CSMD1: variants seen among roughly 807,000 people sequenced by gnomAD.
CSMD1 encodes CUB and sushi domain-containing protein 1.
Under a neutral mutation model 417.5 loss-of-function variants are expected in CSMD1, and 213 were observed. That is an observed-to-expected ratio of 0.51 (90% confidence interval 0.46 to 0.57). The LOEUF is 0.57. Ranked by LOEUF, CSMD1 falls within the 20% of genes least tolerant of loss-of-function variation. The pLI, the probability that CSMD1 is intolerant of heterozygous loss-of-function variation, is 0.00. For missense variants in CSMD1, 6,923 were observed against 4,529.7 expected (o/e 1.53, Z -15.17); for synonymous variants, 2,862 against 1,736.8 (o/e 1.65, Z -16.11).
At chr8:4,004,717 T>G (rs559423517) in intron 4 of CSMD1, among the ~76,000 whole-genome samples, 36 of 152,152 alleles carry the variant, frequency 2.4e-4, no homozygotes, top group African/African-American at 8.7e-4. Flanking sequence ...CTGGATGAGA[T>G]TGGTGACTAT....
At chr8:3,927,060 G>A (rs1386844421) in intron 5 of CSMD1, among the ~76,000 whole-genome samples, 2 of 151,810 alleles carry the variant, frequency 1.3e-5, no homozygotes, top group African/African-American at 4.8e-5. Flanking sequence ...GTTTTTATAA[G>A]AGGTAATTTA....
At chr8:3,725,927 C>A (rs1802468128) in intron 6 of CSMD1, among the ~76,000 whole-genome samples, 4 of 152,130 alleles carry the variant, frequency 2.6e-5, no homozygotes, top group Non-Finnish European at 5.9e-5. Flanking sequence ...TGATAGTGGC[C>A]TGGACCTAAT....
chr8:2,940,983 T>C (rs554355695), intron 69 of CSMD1, among the ~76,000 whole-genome samples: 1 of 152,242 alleles, frequency 6.6e-6, no homozygotes, highest in Non-Finnish European at 1.5e-5. Flanking sequence ...GAAGCTCATC[T>C]GATCATGGCA....
chr8:3,703,788 C>A (rs929143421), intron 7 of CSMD1, among the ~76,000 whole-genome samples: 1 of 152,064 alleles, frequency 6.6e-6, no homozygotes, highest in African/African-American at 2.4e-5. Flanking sequence ...ACTTAACTCT[C>A]AGCTGGGCAT....
At chr8:4,702,248 T>G (rs1016868673) in intron 1 of CSMD1, among the ~76,000 whole-genome samples, 5 of 152,158 alleles carry the variant, frequency 3.3e-5, no homozygotes, top group African/African-American at 1.2e-4. Flanking sequence ...ATGTACCCAA[T>G]AACTTAAAAT....
chr8:4,316,324 T>G (rs894494382), intron 3 of CSMD1, among the ~76,000 whole-genome samples: 3 of 152,182 alleles, frequency 2.0e-5, no homozygotes, highest in Non-Finnish European at 2.9e-5. Context: ...ATAATCTGCA[T>G]ATTTTATTCC....
At chr8:3,710,653 A>G (rs1366777153) in intron 6 of CSMD1, among the ~76,000 whole-genome samples, 3 of 151,912 alleles carry the variant, frequency 2.0e-5, no homozygotes, top group Non-Finnish European at 2.9e-5. Flanking sequence ...CTTGGACTCT[A>G]CCCCTCAGAG....
At chr8:4,584,724 C>T (rs113452373) in intron 2 of CSMD1, among the ~76,000 whole-genome samples, 19,225 of 152,132 alleles carry the variant, frequency 0.13, 1,275 homozygotes, top group Middle Eastern at 0.24. Flanking sequence ...TCTATCCTGA[C>T]CCTTGCCCTC....
chr8:4,013,493 G>C (rs1415523302), intron 4 of CSMD1, among the ~76,000 whole-genome samples: 2 of 152,264 alleles, frequency 1.3e-5, no homozygotes, highest in East Asian at 1.9e-4. Flanking sequence ...GACCAGGAGA[G>C]TCCTGTCCAG....
At chr8:3,646,621 G>C (rs929138634) in intron 7 of CSMD1, among the ~76,000 whole-genome samples, 2 of 152,174 alleles carry the variant, frequency 1.3e-5, no homozygotes, top group Non-Finnish European at 2.9e-5. Flanking sequence ...CACTAAAAAT[G>C]AGTAACTTTC....
chr8:4,474,199 G>C (rs1030847651), intron 2 of CSMD1, among the ~76,000 whole-genome samples: 1 of 152,070 alleles, frequency 6.6e-6, no homozygotes, highest in Non-Finnish European at 1.5e-5. Flanking sequence ...AAATTTAAAT[G>C]TAAGAACGGC....
intron 3 of CSMD1, among the ~76,000 whole-genome samples, chr8:4,176,623 AC>A (rs1283259957): frequency 5.7e-3 from 1 of 174 alleles, no homozygotes. Context: ...TCCATAAAAG[AC>A]ACAGACTGGC....
chr8:3,785,311 G>A (rs1034506927), intron 5 of CSMD1, among the ~76,000 whole-genome samples: 1 of 152,182 alleles, frequency 6.6e-6, no homozygotes. Flanking sequence ...GAAACTTCAG[G>A]CTGCGGAAAA....
intron 3 of CSMD1, among the ~76,000 whole-genome samples, chr8:4,154,387 C>G (rs1299149621): frequency 1.3e-5 from 2 of 152,198 alleles, no homozygotes; most frequent in African/African-American, 2.4e-5. Flanking sequence ...TATCTCTAAT[C>G]TATTGTATAA....
intron 46 of CSMD1, among the ~76,000 whole-genome samples, chr8:3,097,447 A>T (rs912844151): frequency 1.7e-4 from 23 of 131,586 alleles, no homozygotes; most frequent in Admixed American, 8.3e-4. Context: ...TTTGGCTTTA[A>T]ATATACAGTA....
At chr8:3,538,335 T>G (rs1364510347) in intron 10 of CSMD1, among the ~76,000 whole-genome samples, 1 of 151,982 alleles carries the variant, frequency 6.6e-6, no homozygotes, top group South Asian at 2.1e-4. Flanking sequence ...TCTGAGATTA[T>G]GCAACTGACA....
intron 3 of CSMD1, among the ~76,000 whole-genome samples, chr8:4,272,017 A>G (rs997808939): frequency 2.6e-5 from 4 of 151,946 alleles, no homozygotes; most frequent in Non-Finnish European, 4.4e-5. Context: ...TCTATTTTCC[A>G]TCCATGTTTG....
chr8:4,587,884 T>C, intron 2 of CSMD1, among the ~76,000 whole-genome samples: 1 of 152,218 alleles, frequency 6.6e-6, no homozygotes, highest in East Asian at 1.9e-4. Flanking sequence ...AAAACTGTTG[T>C]CCCTTTAAAA....
At chr8:3,281,349 C>T (rs1375918439) in intron 26 of CSMD1, among the ~76,000 whole-genome samples, 1 of 152,052 alleles carries the variant, frequency 6.6e-6, no homozygotes, top group African/African-American at 2.4e-5. Context: ...GAGGCTGAGG[C>T]AGGAGAATTC....
Sources: gnomAD v4.1 joint callset for allele counts (sites outside exome capture counted in the v4.1 genomes callset) on GRCh38, gnomAD v4.1.1 for gene constraint, MANE v1.5 for transcripts, NCBI Gene and HGNC (gene_info 2026-07-23, HGNC 2026-07-21) for gene names.